FRMD5: variants seen among roughly 807,000 people sequenced by gnomAD.
The protein encoded by FRMD5 is FERM domain-containing protein 5.
FRMD5 carries 20 observed loss-of-function variants against 69.0 expected under a neutral mutation model. The observed-to-expected ratio is 0.29, with a 90% confidence interval of 0.20 to 0.42. The LOEUF (loss-of-function observed/expected upper bound fraction) is 0.42, where lower values mean the gene tolerates loss of function less well. Among genes scored for constraint, FRMD5 ranks in the 10% least tolerant of loss-of-function variants. The pLI is 1.00. For missense variants in FRMD5, 595 were observed against 708.6 expected, an observed-to-expected ratio of 0.84 and a Z score of 1.82; for synonymous variants, 271 against 260.1, an observed-to-expected ratio of 1.04 and a Z score of -0.40.
intron 1 of FRMD5, among the ~76,000 whole-genome samples, chr15:43,982,667 G>A (rs190420260): frequency 8.8e-4 from 134 of 152,252 alleles, no homozygotes; most frequent in Admixed American, 4.4e-3. Context: ...GGGAGAAATG[G>A]AACTTTAGCA....
At chr15:44,163,204 T>TC (rs111262232) in intron 1 of FRMD5, among the ~76,000 whole-genome samples, 23,516 of 152,062 alleles carry the variant, frequency 0.15, 4,417 homozygotes, top group African/African-American at 0.45. Flanking sequence ...CCCCTATGTC[T>TC]CCCCAAATCC....
chr15:44,014,454 C>T lies in FRMD5; in HGVS notation c.103-90145G>A, dbSNP rs527466311. ...ATGGGTATAATAAGAATATCTACCT[C>T]GGCTGGGTGTGGTAGCTCACGCCTG... is the stretch of plus-strand genomic sequence containing the variant. On this transcript the variant is annotated intron_variant, in intron 1 of 13. Coordinates refer to ENST00000417257, the MANE Select transcript of FRMD5 (RefSeq NM_032892.5). Among the ~76,000 whole-genome samples, 7 of 152,230 alleles carry T rather than the reference C, an allele frequency of 4.6e-5. No individual in the cohort carries two copies. In the East Asian group the frequency reaches 9.7e-4, roughly 21 times the overall value.
At chr15:43,908,321 C>T (rs2089218927) in intron 5 of FRMD5, among the ~76,000 whole-genome samples, 1 of 75,472 alleles carries the variant, frequency 1.3e-5, no homozygotes, top group Admixed American at 1.7e-4. Flanking sequence ...GAGCCAGATC[C>T]TGTCTCAAAA....
chr15:43,909,105 T>C (rs2089236230), intron 5 of FRMD5, among the ~76,000 whole-genome samples: 1 of 151,956 alleles, frequency 6.6e-6, no homozygotes, highest in African/African-American at 2.4e-5. Context: ...AGCAAAATCC[T>C]CTAACTTGGC....
At chr15:44,155,049 G>C (rs556359975) in intron 1 of FRMD5, among the ~76,000 whole-genome samples, 4 of 152,172 alleles carry the variant, frequency 2.6e-5, no homozygotes, top group Non-Finnish European at 4.4e-5. Flanking sequence ...ACCAAAGTGA[G>C]ATACCATCAT....
intron 1 of FRMD5, among the ~76,000 whole-genome samples, chr15:43,940,368 G>C (rs1437585867): frequency 1.3e-5 from 2 of 152,168 alleles, no homozygotes; most frequent in Non-Finnish European, 2.9e-5. Context: ...CTAGAGATGA[G>C]AAATGATAGA....
chr15:44,036,987 TAC>T (rs1267335634), intron 1 of FRMD5, among the ~76,000 whole-genome samples: 2 of 152,034 alleles, frequency 1.3e-5, no homozygotes, highest in Non-Finnish European at 2.9e-5. Context: ...ACATTACAAC[TAC>T]AGTTTTTTTT....
At chr15:44,140,843 A>G (rs2077260794) in intron 1 of FRMD5, among the ~76,000 whole-genome samples, 1 of 126,182 alleles carries the variant, frequency 7.9e-6, no homozygotes, top group South Asian at 2.7e-4. Flanking sequence ...AGATCACATC[A>G]TTGCACTCTA....
intron 1 of FRMD5, among the ~76,000 whole-genome samples, chr15:43,985,307 T>G (rs983780825): frequency 7.8e-6 from 1 of 127,980 alleles, no homozygotes; most frequent in African/African-American, 2.7e-5. Flanking sequence ...AAAAAAAAGA[T>G]TGGGCGTTTG....
intron 1 of FRMD5, among the ~76,000 whole-genome samples, chr15:43,939,126 C>G (rs376940436): frequency 1.3e-5 from 2 of 152,086 alleles, no homozygotes; most frequent in African/African-American, 4.8e-5. Flanking sequence ...CTGCCTCGGC[C>G]TCCCAAAGTG....
intron 1 of FRMD5, among the ~76,000 whole-genome samples, chr15:44,164,969 C>G (rs1330932077): frequency 2.6e-5 from 4 of 152,256 alleles, no homozygotes; most frequent in African/African-American, 9.6e-5. Flanking sequence ...GCAGCAGTGT[C>G]CTCTCAGACT....
chr15:43,874,876 G>A lies in FRMD5; in HGVS notation c.1136-414C>T, dbSNP rs146924399. On this transcript the variant is annotated intron_variant, in intron 13 of 13. Transcript: ENST00000417257. ...GATCGCACTATTACACTCCATCCTC[G>A]GCAACAGAGTGAGTAAGATTCCATC... Among the ~76,000 whole-genome samples, 7 of 151,654 alleles carry A rather than the reference G, an allele frequency of 4.6e-5. No individual in the cohort carries two copies. The South Asian group carries it at 6.2e-4, about 14-fold the overall frequency.
In FRMD5 at chr15:43,924,516, C is replaced by T. The variant is rs546813175; in HGVS notation, c.103-207G>A. 2.2e-4 allele frequency among the ~76,000 whole-genome samples: 33 copies of T among 152,330 alleles called. No individual in the cohort carries two copies. In the South Asian group the frequency reaches 5.2e-3, roughly 24 times the overall value. ...AGCACCTGGAAGGAGCCCAAGAACC[C>T]TTCCCACCACAAAGATGTCAGAGAA... On this transcript the variant is annotated intron_variant, in intron 1 of 13. Coordinates refer to ENST00000417257, the MANE Select transcript of FRMD5 (RefSeq NM_032892.5).
chr15:44,036,856 G>A (rs1399315828), intron 1 of FRMD5, among the ~76,000 whole-genome samples: 1 of 152,068 alleles, frequency 6.6e-6, no homozygotes, highest in African/African-American at 2.4e-5. Context: ...CACTTCTTTT[G>A]GATCTTCTTC....
intron 13 of FRMD5, among the ~76,000 whole-genome samples, chr15:43,882,241 G>A (rs958943440): frequency 2.0e-5 from 3 of 152,038 alleles, no homozygotes; most frequent in Non-Finnish European, 2.9e-5. Context: ...GTGGAGATAC[G>A]TAGAATTTCT....
intron 1 of FRMD5, among the ~76,000 whole-genome samples, chr15:44,113,935 G>A (rs1335115868): frequency 6.6e-6 from 1 of 152,020 alleles, no homozygotes; most frequent in Non-Finnish European, 1.5e-5. Flanking sequence ...CGACATATGA[G>A]AACAAAGTAT....
chr15:43,875,343 T>C (rs2088301964), intron 13 of FRMD5, among the ~76,000 whole-genome samples: 1 of 78,862 alleles, frequency 1.3e-5, no homozygotes, highest in Non-Finnish European at 2.2e-5. Context: ...AGAGAAAGAC[T>C]GTCTCAAAAA....
chr15:43,969,609 T>A (rs566049920), intron 1 of FRMD5, among the ~76,000 whole-genome samples: 1 of 152,210 alleles, frequency 6.6e-6, no homozygotes, highest in Non-Finnish European at 1.5e-5. Flanking sequence ...ATCTTTTGAT[T>A]CCCAAAAATT....
intron 1 of FRMD5, among the ~76,000 whole-genome samples, chr15:44,186,328 A>T (rs1339959222): frequency 6.6e-6 from 1 of 152,184 alleles, no homozygotes; most frequent in Admixed American, 6.5e-5. Context: ...ATCCTTTGGA[A>T]ATCCTGAAGC....
Sources: gnomAD v4.1 joint callset for allele counts (sites outside exome capture counted in the v4.1 genomes callset) on GRCh38, gnomAD v4.1.1 for gene constraint, MANE v1.5 for transcripts, NCBI Gene and HGNC (gene_info 2026-07-23, HGNC 2026-07-21) for gene names.